The following SLC35F5 variants were observed in gnomAD, a reference collection of about 807,000 sequenced individuals.
SLC35F5 encodes the protein solute carrier family 35 member F5.
A neutral mutation model predicts 68.6 loss-of-function variants in SLC35F5; 54 were observed. The observed-to-expected ratio is 0.79, with a 90% CI of 0.63 to 0.99. SLC35F5 has a LOEUF of 0.99. SLC35F5 is among the 50% of genes least tolerant of loss of function. The pLI is 0.00. For missense variants in SLC35F5, 567 were observed against 626.9 expected (o/e 0.90, Z 1.02); for synonymous variants, 211 against 205.2 (o/e 1.03, Z -0.24).
downstream of SLC35F5, among the ~76,000 whole-genome samples, chr2:113,706,092 G>GT (rs1686791453): frequency 2.0e-5 from 3 of 152,114 alleles, no homozygotes; most frequent in African/African-American, 7.2e-5. Context: ...ACTGTTGAAA[G>GT]TAAGTGTTGT....
chr2:113,729,493 G>T lies in SLC35F5; in HGVS notation c.998C>A (p.Ser333Tyr). 2 of 1,577,192 alleles carry T rather than the reference G, an allele frequency of 1.3e-6. No individual in the cohort carries two copies. The highest frequency in any genetic ancestry group is 1.7e-6 in the Non-Finnish European group (2 of 1,158,350). ...AGCATAGAGCATGGCTCCAGCAAGAGACCAAATGGAACCTGTAAAAATGGA... is the reference window on the plus strand; with the variant it reads ...AGCATAGAGCATGGCTCCAGCAAGATACCAAATGGAACCTGTAAAAATGGA... Reference protein sequence around the residue: ...AGRDTVGSIWSLAGAMLYAVY... With the variant: ...AGRDTVGSIWYLAGAMLYAVY... The change falls in exon 11 of 16, where the codon TCT (serine) becomes TAT (tyrosine). Residue 333 changes from serine (S) to tyrosine (Y), a missense_variant. By Grantham distance (144) the Ser-to-Tyr change is moderately radical. Transcript: ENST00000245680.
At position 113,714,457 on chromosome 2, in the gene SLC35F5, CTAAAT is replaced by C. The variant is rs1424236408; in HGVS notation, c.*756_*760del. Reference sequence around the variant, plus strand: ...GAAGGGAGACTATTTCTTCAAAACTCTAAATTAAACAGAGCTTTATCAATTAAGTT... The same window carrying C: ...GAAGGGAGACTATTTCTTCAAAACTCTAAACAGAGCTTTATCAATTAAGTT... On this transcript the variant is annotated 3_prime_UTR_variant, in exon 16 of 16. Transcript: ENST00000245680. The C allele has an allele frequency of 2.0e-5, 3 of 152,158 alleles. No individual in the cohort carries two copies. The highest frequency in any genetic ancestry group is 7.2e-5 in the African/African-American group (3 of 41,554). The allele number at this position is 152,158 out of a possible 1,614,324, so 9.4% of individuals were successfully genotyped here. A position where few individuals can be genotyped will look rare whatever the true frequency, so the allele number is the denominator to read the frequency against.
rs747361910 is a variant in SLC35F5, at chr2:113,729,474, G to A, written c.1017C>T (p.Leu339=). 12 of 1,594,530 alleles carry A rather than the reference G, an allele frequency of 7.5e-6. No individual in the cohort carries two copies. The South Asian group carries it at 1.0e-4, about 14-fold the overall frequency. Residue 339 remains leucine, a synonymous_variant, in exon 11 of 16, where the codon CTC becomes CTT. Transcript: ENST00000245680. The part of the protein sequence containing the change: ...GSIWSLAGAM[L]YAVYIVMIKR... ...TAATCATAACAATATAGACAGCATA[G>A]AGCATGGCTCCAGCAAGAGACCAAA... is the stretch of plus-strand genomic sequence containing the variant.
rs533737223 is a variant in SLC35F5 at position 113,710,021 on chromosome 2, G to T, written c.*5197C>A. Among the ~76,000 whole-genome samples the T allele has an allele frequency of 6.6e-6, 1 of 151,940 alleles. No homozygotes were observed. Among genetic ancestry groups the T allele is most frequent in the East Asian group, 1.9e-4 (1 of 5,156 alleles). ...GTAGAGACAGGGGTCTTGCTGTATT[G>T]CCCAGCCTGATCTTGAACTCCTGGG... On this transcript the variant is annotated 3_prime_UTR_variant, in exon 16 of 16. Coordinates refer to ENST00000245680, the MANE Select transcript of SLC35F5 (RefSeq NM_025181.5).
intron 1 of SLC35F5, 104 bp from the exon 2 acceptor site, chr2:113,755,648 G>A (rs1223658073): frequency 2.5e-6 from 3 of 1,190,384 alleles, no homozygotes; most frequent in Non-Finnish European, 3.7e-6. Context: ...GCAAATCAAT[G>A]AAAAGGACCA....
chr2:113,723,122 A>G lies in SLC35F5; in HGVS notation c.1323T>C (p.Ala441=). ...TCCTTACCTTTTGCATACACATGTC[A>G]GCTATTATGGACAGAGGTATTGTAA... ...LSLTIPLSII[A]DMCMQKVQFS... The change falls in exon 13 of 16, where the codon GCT becomes GCC. Residue 441 remains alanine (A), a synonymous_variant. Transcript: ENST00000245680. 3 of 1,565,504 alleles carry G rather than the reference A, an allele frequency of 1.9e-6. No individual in the cohort carries two copies. Among genetic ancestry groups the G allele is most frequent in the Non-Finnish European group, 2.6e-6 (3 of 1,156,398 alleles).
chr2:113,731,772 A>G, intron 9 of SLC35F5, 124 bp from the exon 10 acceptor site: 1 of 687,548 alleles, frequency 1.5e-6, no homozygotes, highest in Non-Finnish European at 2.5e-6. Flanking sequence ...CAAATAATTT[A>G]GCAATTTCAA....
In SLC35F5 at chr2:113,712,200, T is replaced by C. The variant is rs1687011265; in HGVS notation, c.*3018A>G. ...ATGTAAAGAATTAATTAAATCAGGT[T>C]GACAGAAGCCAATATCTCAATGTTT... On this transcript the variant is annotated 3_prime_UTR_variant, in exon 16 of 16. Transcript: ENST00000245680. Among the ~76,000 whole-genome samples the C allele has an allele frequency of 6.6e-6, 1 of 152,262 alleles. No homozygotes were observed. Among genetic ancestry groups the C allele is most frequent in the Non-Finnish European group, 1.5e-5 (1 of 68,046 alleles).
intron 3 of SLC35F5, among the ~76,000 whole-genome samples, chr2:113,752,311 C>G (rs909176055): frequency 6.6e-6 from 1 of 151,598 alleles, no homozygotes; most frequent in Non-Finnish European, 1.5e-5. Context: ...AAAAAAATCA[C>G]CATTTTGCAA....
chr2:113,715,589 T>A (rs148918447), intron 15 of SLC35F5, among the ~76,000 whole-genome samples: 6 of 152,240 alleles, frequency 3.9e-5, no homozygotes, highest in Admixed American at 3.3e-4. Context: ...TAGGTTTAAG[T>A]GTGAGTACGA....
At chr2:113,741,609 G>A (rs1217704526) in intron 7 of SLC35F5, among the ~76,000 whole-genome samples, 1 of 151,742 alleles carries the variant, frequency 6.6e-6, no homozygotes, top group Non-Finnish European at 1.5e-5. Flanking sequence ...GCTGAGGCAG[G>A]AGAATTGCTT....
rs982323758 is a variant in SLC35F5 at position 113,710,911 on chromosome 2, A to G, written c.*4307T>C. Among the ~76,000 whole-genome samples, 1 of 152,212 alleles carries G rather than the reference A, an allele frequency of 6.6e-6. No homozygotes were observed. Among genetic ancestry groups the G allele is most frequent in the Non-Finnish European group, 1.5e-5 (1 of 68,030 alleles). ...TTATTAAATACTTGCTGTAATCACA[A>G]CTAGGCATAGGAAAATCAAGTAGAG... On this transcript the variant is annotated 3_prime_UTR_variant, in exon 16 of 16. Transcript: ENST00000245680.
At position 113,710,111 on chromosome 2, in the gene SLC35F5, C is replaced by A. The variant is rs1686935753; in HGVS notation, c.*5107G>T. On this transcript the variant is annotated 3_prime_UTR_variant, in exon 16 of 16. Coordinates refer to ENST00000245680, the MANE Select transcript of SLC35F5 (RefSeq NM_025181.5). ...AATTACAGGCATGAGCCTGTGTTCT[C>A]CCCTCTCTTCCAATAATGTGTATTC... Among the ~76,000 whole-genome samples the A allele has an allele frequency of 6.6e-6, 1 of 152,170 alleles. No homozygotes were observed. Among genetic ancestry groups the A allele is most frequent in the Non-Finnish European group, 1.5e-5 (1 of 68,028 alleles).
At chr2:113,737,646 T>C (rs1432937735) in intron 7 of SLC35F5, among the ~76,000 whole-genome samples, 1 of 152,218 alleles carries the variant, frequency 6.6e-6, no homozygotes, top group African/African-American at 2.4e-5. Context: ...TGGTCCATGC[T>C]AATGCAAGGT....
chr2:113,722,525 T>C (rs1164651984), intron 13 of SLC35F5, among the ~76,000 whole-genome samples: 4 of 152,236 alleles, frequency 2.6e-5, no homozygotes, highest in African/African-American at 7.2e-5. Flanking sequence ...CTGTTCTTCC[T>C]GCTTCACCCA....
intron 12 of SLC35F5, among the ~76,000 whole-genome samples, chr2:113,724,823 A>G (rs1353072522): frequency 2.6e-5 from 4 of 152,210 alleles, no homozygotes; most frequent in South Asian, 2.1e-4. Context: ...TTATTATCGC[A>G]TATCAGTATA....
intron 9 of SLC35F5, 28 bp downstream of exon 9, chr2:113,734,558 C>A (rs2305254): frequency 7.8e-7 from 1 of 1,274,154 alleles, no homozygotes; most frequent in Non-Finnish European, 1.1e-6. Context: ...TTAAGCAGAG[C>A]AAACTAGCTA....
chr2:113,755,288 TACAC>T lies in SLC35F5; in HGVS notation c.146_149del (p.Cys49TyrfsTer4). 1 of 1,614,102 alleles carries T rather than the reference TACAC, an allele frequency of 6.2e-7. No homozygotes were observed. Among genetic ancestry groups the T allele is most frequent in the Non-Finnish European group, 8.5e-7 (1 of 1,179,998 alleles). On this transcript the variant is annotated frameshift_variant, in exon 3 of 16. Transcript: ENST00000245680. LOFTEE classifies it high-confidence loss of function. ...GGGAATTCATTCGGTTCATGACAAA[TACAC>T]ACACCATTTGCAGTCTGTTTTTTAG...
At chr2:113,750,929 G>C (rs912085237) in intron 3 of SLC35F5, among the ~76,000 whole-genome samples, 4 of 152,212 alleles carry the variant, frequency 2.6e-5, no homozygotes, top group African/African-American at 9.6e-5. Flanking sequence ...AAGATTGCTT[G>C]AGCCCAGAAT....
Sources: gnomAD v4.1 joint callset for allele counts (sites outside exome capture counted in the v4.1 genomes callset) on GRCh38, gnomAD v4.1.1 for gene constraint, MANE v1.5 for transcripts, NCBI Gene and HGNC (gene_info 2026-07-23, HGNC 2026-07-21) for gene names.